Variants in SLC25A12 observed in about 807,000 individuals in gnomAD.
SLC25A12 encodes electrogenic aspartate/glutamate antiporter SLC25A12, mitochondrial.
In SLC25A12, 32 loss-of-function variants were observed where a neutral mutation model predicts 83.3. The observed-to-expected ratio is 0.38, with a 90% CI of 0.29 to 0.52. SLC25A12 has a LOEUF of 0.52. Among genes scored for constraint, SLC25A12 ranks in the 20% least tolerant of loss-of-function variants. The pLI is 0.84. For missense variants in SLC25A12, 611 were observed against 835.6 expected (o/e 0.73, Z 3.31); for synonymous variants, 267 against 291.1 (o/e 0.92, Z 0.84).
intron 3 of SLC25A12, among the ~76,000 whole-genome samples, chr2:171,860,962 G>T (rs895758455): frequency 5.3e-5 from 8 of 151,990 alleles, no homozygotes; most frequent in African/African-American, 1.9e-4. Flanking sequence ...CATGAGGCAG[G>T]CGCCTGTGGT....
chr2:171,830,612 CA>C (rs1414546314), intron 8 of SLC25A12, among the ~76,000 whole-genome samples: 2 of 152,122 alleles, frequency 1.3e-5, no homozygotes, highest in South Asian at 4.1e-4. Flanking sequence ...CTCCCGGGTT[CA>C]AGCTATTCTC....
chr2:171,867,972 G>C (rs1685372572), intron 3 of SLC25A12, among the ~76,000 whole-genome samples: 1 of 152,028 alleles, frequency 6.6e-6, no homozygotes, highest in Non-Finnish European at 1.5e-5. Context: ...AGGCTCCCAA[G>C]TAGCTGGGAC....
chr2:171,786,838 T>C (rs1251405705), intron 17 of SLC25A12, among the ~76,000 whole-genome samples: 3 of 152,124 alleles, frequency 2.0e-5, no homozygotes, highest in Non-Finnish European at 4.4e-5. Flanking sequence ...CATCTGCACC[T>C]AACTAATAAT....
chr2:171,866,791 G>A (rs1454685594), intron 3 of SLC25A12, among the ~76,000 whole-genome samples: 4 of 142,064 alleles, frequency 2.8e-5, no homozygotes, highest in African/African-American at 5.2e-5. Flanking sequence ...CCTCCCGGAC[G>A]GGGCGGCTGG....
At chr2:171,874,255 G>A (rs1307830597) in intron 2 of SLC25A12, among the ~76,000 whole-genome samples, 1 of 151,878 alleles carries the variant, frequency 6.6e-6, no homozygotes, top group African/African-American at 2.4e-5. Context: ...AGTTGGGCGT[G>A]GTGGCAGGTG....
intron 3 of SLC25A12, among the ~76,000 whole-genome samples, chr2:171,868,337 G>T (rs1427093231): frequency 8.3e-6 from 1 of 120,180 alleles, no homozygotes; most frequent in African/African-American, 3.1e-5. Context: ...TTTTGAGACA[G>T]AGTTTCGCTC....
At chr2:171,799,316 G>A (rs1467879551) in intron 13 of SLC25A12, among the ~76,000 whole-genome samples, 1 of 152,154 alleles carries the variant, frequency 6.6e-6, no homozygotes, top group East Asian at 1.9e-4. Context: ...AATATATAAG[G>A]ATTTTCAACT....
intron 8 of SLC25A12, among the ~76,000 whole-genome samples, chr2:171,830,487 C>A (rs1684408498): frequency 6.6e-6 from 1 of 152,076 alleles, no homozygotes; most frequent in Non-Finnish European, 1.5e-5. Context: ...TGTTTAACCT[C>A]ATGTACTCCT....
rs879813327 is a variant in SLC25A12 at position 171,843,426 on chromosome 2, G to A, written c.465+943C>T. Reference sequence around the variant, plus strand: ...AGGCAGGCAGATCACTTGAGGCCAGGAGTTCAGACCAGCCTGGCCAACATG... The same window carrying A: ...AGGCAGGCAGATCACTTGAGGCCAGAAGTTCAGACCAGCCTGGCCAACATG... On this transcript the variant is annotated intron_variant, in intron 5 of 17. Transcript: ENST00000422440. Among the ~76,000 whole-genome samples, 12 of 902 alleles carry A rather than the reference G, an allele frequency of 0.013. No homozygotes were observed. The Non-Finnish European group carries it at 0.32, about 24-fold the overall frequency. The allele number at this position is 902 out of a possible 152,430, so 0.6% of individuals were successfully genotyped here.
At chr2:171,861,195 T>C (rs559001414) in intron 3 of SLC25A12, among the ~76,000 whole-genome samples, 1 of 152,068 alleles carries the variant, frequency 6.6e-6, no homozygotes, top group African/African-American at 2.4e-5. Context: ...ACTATAAAAT[T>C]CTTTCAACTT....
chr2:171,812,298 G>A (rs1206099143), intron 11 of SLC25A12, among the ~76,000 whole-genome samples: 4 of 152,060 alleles, frequency 2.6e-5, no homozygotes, highest in Admixed American at 1.3e-4. Context: ...GCTAACCAGC[G>A]GTGTTTTTTT....
chr2:171,833,836 A>G (rs1684499646), intron 8 of SLC25A12, 127 bp downstream of exon 8: 1 of 613,174 alleles, frequency 1.6e-6, no homozygotes, highest in Non-Finnish European at 3.0e-6. Context: ...TGGAATTTAT[A>G]TTCTGAATAT....
At chr2:171,879,194 C>G (rs935160855) in intron 2 of SLC25A12, among the ~76,000 whole-genome samples, 53 of 152,140 alleles carry the variant, frequency 3.5e-4, no homozygotes, top group Non-Finnish European at 6.3e-4. Context: ...CTCAAATCAA[C>G]TACATGAGCA....
At chr2:171,881,389 T>G (rs887344656) in intron 2 of SLC25A12, among the ~76,000 whole-genome samples, 1 of 152,182 alleles carries the variant, frequency 6.6e-6, no homozygotes, top group African/African-American at 2.4e-5. Context: ...TAACCTCAGG[T>G]GATCCAGCCG....
At chr2:171,888,094 C>CTTT (rs1194293544) in intron 2 of SLC25A12, among the ~76,000 whole-genome samples, 4 of 137,092 alleles carry the variant, frequency 2.9e-5, no homozygotes, top group African/African-American at 5.3e-5. Flanking sequence ...TTCTTTTTTC[C>CTTT]TTTTTTTTTT....
intron 17 of SLC25A12, among the ~76,000 whole-genome samples, chr2:171,786,573 A>C (rs1690494398): frequency 6.6e-6 from 1 of 152,152 alleles, no homozygotes; most frequent in South Asian, 2.1e-4. Flanking sequence ...CTTTGGGCAC[A>C]GAGGAGTTCA....
At chr2:171,854,763 T>C (rs764794768) in intron 4 of SLC25A12, among the ~76,000 whole-genome samples, 2 of 152,166 alleles carry the variant, frequency 1.3e-5, no homozygotes, top group African/African-American at 2.4e-5. Context: ...ACTTTGACCA[T>C]TGCAGTGATA....
At chr2:171,802,777 AAAAAAT>A (rs1200857196) in intron 13 of SLC25A12, among the ~76,000 whole-genome samples, 7 of 152,190 alleles carry the variant, frequency 4.6e-5, no homozygotes, top group African/African-American at 7.2e-5. Context: ...CTCTGTCTCG[AAAAAAT>A]AAAAATAAAA....
At chr2:171,820,416 G>T (rs1383812986) in intron 9 of SLC25A12, among the ~76,000 whole-genome samples, 1 of 152,106 alleles carries the variant, frequency 6.6e-6, no homozygotes, top group Non-Finnish European at 1.5e-5. Context: ...GTTGAAAAAA[G>T]TAATTATGTA....
Sources: gnomAD v4.1 joint callset for allele counts (sites outside exome capture counted in the v4.1 genomes callset) on GRCh38, gnomAD v4.1.1 for gene constraint, MANE v1.5 for transcripts, NCBI Gene and HGNC (gene_info 2026-07-23, HGNC 2026-07-21) for gene names.